LIPC: variants seen among roughly 807,000 people sequenced by gnomAD.
LIPC encodes the protein hepatic triacylglycerol lipase.
Under a neutral mutation model 50.7 loss-of-function variants are expected in LIPC, and 44 were observed. The ratio of observed to expected loss-of-function variants is 0.87; its 90% CI spans 0.68 to 1.11. The LOEUF is 1.11. Among genes scored for constraint, LIPC ranks in the 50% most tolerant of loss-of-function variants. LIPC has a pLI of 0.00. For synonymous variants in LIPC, 271 were observed against 256.4 expected, an observed-to-expected ratio of 1.06 and a Z score of -0.54; for missense variants, 697 against 648.2, an observed-to-expected ratio of 1.08 and a Z score of -0.82.
chr15:58,536,155 T>C (rs1893111958), intron 1 of LIPC, among the ~76,000 whole-genome samples: 1 of 152,206 alleles, frequency 6.6e-6, no homozygotes, highest in African/African-American at 2.4e-5. Flanking sequence ...TATCTCTGAC[T>C]AGATGAGAAG....
At chr15:58,470,938 T>C (rs1367231202) in intron 1 of LIPC, among the ~76,000 whole-genome samples, 13 of 152,088 alleles carry the variant, frequency 8.5e-5, no homozygotes, top group African/African-American at 1.2e-4. Flanking sequence ...TTCATCTTCC[T>C]AATACCTAAC....
rs551887502 is a variant in LIPC at position 58,466,156 on chromosome 15, C to T, written c.88+34036C>T. ...AGATTATGTAGAAAATGTTACTAGT[C>T]GTGAGATATCTATCCATCTCAATGA... On this transcript the variant is annotated intron_variant, in intron 1 of 8. Coordinates refer to ENST00000299022, the MANE Select transcript of LIPC (RefSeq NM_000236.3). 3.9e-5 allele frequency among the ~76,000 whole-genome samples: 6 copies of T among 152,318 alleles called. No homozygotes were observed. The South Asian group carries it at 8.3e-4, about 21-fold the overall frequency.
chr15:58,540,061 T>G (rs1456761430), intron 2 of LIPC, among the ~76,000 whole-genome samples: 2 of 152,214 alleles, frequency 1.3e-5, no homozygotes, highest in African/African-American at 4.8e-5. Flanking sequence ...CTGGGAAGGA[T>G]TCTGTCCTAT....
At chr15:58,492,528 T>C (rs752810975) in intron 1 of LIPC, among the ~76,000 whole-genome samples, 4 of 151,962 alleles carry the variant, frequency 2.6e-5, no homozygotes, top group African/African-American at 4.8e-5. Flanking sequence ...ACAAGGACAA[T>C]CCAAAGAGGC....
intron 1 of LIPC, among the ~76,000 whole-genome samples, chr15:58,469,119 T>TGGGG (rs1555399019): frequency 6.6e-6 from 1 of 150,592 alleles, no homozygotes; most frequent in Admixed American, 6.6e-5. Flanking sequence ...TGTGTGTGTG[T>TGGGG]GTGTGTGTGT....
intron 5 of LIPC, among the ~76,000 whole-genome samples, chr15:58,546,766 T>C (rs1595940605): frequency 2.0e-5 from 3 of 152,136 alleles, no homozygotes; most frequent in South Asian, 4.2e-4. Context: ...ACCCTGATCA[T>C]CCAACACTCA....
intron 3 of LIPC, 104 bp downstream of exon 3, chr15:58,542,071 G>T: frequency 7.8e-7 from 1 of 1,278,152 alleles, no homozygotes; most frequent in Non-Finnish European, 1.1e-6. Flanking sequence ...GGCAGGAGAA[G>T]CACTAATGCT....
chr15:58,536,312 G>A (rs1306437013), intron 1 of LIPC, among the ~76,000 whole-genome samples: 2 of 152,100 alleles, frequency 1.3e-5, no homozygotes, highest in African/African-American at 4.8e-5. Flanking sequence ...GGAGGAGGTG[G>A]GGGATGAGGG....
chr15:58,453,021 G>A (rs963352090), intron 1 of LIPC, among the ~76,000 whole-genome samples: 1 of 152,180 alleles, frequency 6.6e-6, no homozygotes, highest in Non-Finnish European at 1.5e-5. Context: ...CTTCTCCAAA[G>A]GTCCATGCCC....
intron 1 of LIPC, among the ~76,000 whole-genome samples, chr15:58,458,915 T>G (rs1323684417): frequency 1.3e-5 from 2 of 152,160 alleles, no homozygotes; most frequent in Non-Finnish European, 2.9e-5. Context: ...AAAAGTACAT[T>G]AGGTCAACCC....
At chr15:58,537,616 C>T (rs1893173937) in intron 1 of LIPC, among the ~76,000 whole-genome samples, 1 of 152,124 alleles carries the variant, frequency 6.6e-6, no homozygotes, top group Admixed American at 6.5e-5. Context: ...GCCTGTGAGC[C>T]TCGACTCATG....
intron 1 of LIPC, among the ~76,000 whole-genome samples, chr15:58,461,638 G>C (rs527874929): frequency 2.5e-4 from 37 of 151,006 alleles, no homozygotes; most frequent in Admixed American, 1.1e-3. Flanking sequence ...GGCTGGTCTC[G>C]AACTCCTGAC....
intron 6 of LIPC, among the ~76,000 whole-genome samples, chr15:58,558,124 G>T (rs1188381852): frequency 6.6e-6 from 1 of 151,650 alleles, no homozygotes; most frequent in Non-Finnish European, 1.5e-5. Context: ...CCAGGCTGGA[G>T]TGCAGTGGTG....
Position 58,563,522 on chromosome 15 carries a change from G to A in LIPC, c.1187G>A (p.Ser396Asn), listed in dbSNP as rs1015457944. 2 of 1,613,854 alleles carry A rather than the reference G, an allele frequency of 1.2e-6. No homozygotes were observed. The highest frequency in any genetic ancestry group is 4.5e-5 in the East Asian group (2 of 44,894). Residue 396 changes from serine to asparagine, a missense_variant, in exon 8 of 9, where the codon AGT becomes AAT. Coordinates refer to ENST00000299022, the MANE Select transcript of LIPC (RefSeq NM_000236.3). ...IPITLGKGIASNKTYSFLITL... is the reference protein window; with the variant it reads ...IPITLGKGIANNKTYSFLITL... ...TATTCAAGGGGCAAAGGAATTGCTA[G>A]TAATAAAACGTATTCCTTTCTTATC... is the stretch of plus-strand genomic sequence containing the variant.
At chr15:58,437,203 G>C (rs577782175) in intron 1 of LIPC, among the ~76,000 whole-genome samples, 23 of 152,284 alleles carry the variant, frequency 1.5e-4, no homozygotes, top group South Asian at 1.0e-3. Context: ...GGGTTTCCAA[G>C]AGTCGTTGAG....
intron 8 of LIPC, among the ~76,000 whole-genome samples, chr15:58,568,514 G>C (rs1241444000): frequency 6.6e-6 from 1 of 152,150 alleles, no homozygotes; most frequent in African/African-American, 2.4e-5. Flanking sequence ...AGAACTCCAG[G>C]AAGTCTTACA....
In LIPC at chr15:58,441,231, GT is replaced by G. The variant is rs556728893; in HGVS notation, c.88+9115del. Among the ~76,000 whole-genome samples the G allele has an allele frequency of 3.3e-5, 5 of 152,266 alleles. No homozygotes were observed. The South Asian group carries it at 1.0e-3, about 32-fold the overall frequency. The stretch of plus-strand genomic sequence containing the variant: ...AAGGCTTGGAGCAAGTCTCTTTGAA[GT>G]TTTCTTATGAATTGCTATGCTTAAC... On this transcript the variant is annotated intron_variant, in intron 1 of 8. Transcript: ENST00000299022.
intron 1 of LIPC, among the ~76,000 whole-genome samples, chr15:58,467,431 C>G (rs1894609810): frequency 6.6e-6 from 1 of 152,178 alleles, no homozygotes; most frequent in African/African-American, 2.4e-5. Context: ...TTCTGGTCCC[C>G]TCATAGAAGC....
chr15:58,553,159 G>A (rs1395373703), intron 6 of LIPC, among the ~76,000 whole-genome samples: 4 of 152,134 alleles, frequency 2.6e-5, no homozygotes, highest in African/African-American at 9.7e-5. Context: ...CAAACCCTGG[G>A]CTCTGTCTAT....
Sources: gnomAD v4.1 joint callset for allele counts (sites outside exome capture counted in the v4.1 genomes callset) on GRCh38, gnomAD v4.1.1 for gene constraint, MANE v1.5 for transcripts, NCBI Gene and HGNC (gene_info 2026-07-23, HGNC 2026-07-21) for gene names.